PDE3A: variants seen among roughly 807,000 people sequenced by gnomAD.
PDE3A encodes the protein cGMP-inhibited 3',5'-cyclic phosphodiesterase 3A.
In PDE3A, 43 loss-of-function variants were observed where a neutral mutation model predicts 98.3. The observed-to-expected ratio is 0.44, with a 90% CI of 0.34 to 0.56. PDE3A has a LOEUF of 0.56. Among genes scored for constraint, PDE3A ranks in the 20% least tolerant of loss-of-function variants. The pLI, the probability that PDE3A is intolerant of heterozygous loss-of-function variation, is 0.01. For synonymous variants in PDE3A, 663 were observed against 567.9 expected, an observed-to-expected ratio of 1.17 and a Z score of -2.38; for missense variants, 1,427 against 1,440.7, an observed-to-expected ratio of 0.99 and a Z score of 0.15.
Position 20,558,689 on chromosome 12 carries a change from C to T in PDE3A, c.1011+1979C>T, listed in dbSNP as rs553315329. Among the ~76,000 whole-genome samples the T allele has an allele frequency of 6.4e-3, 722 of 113,388 alleles. 10 individuals carry two copies. Among genetic ancestry groups the T allele is most frequent in the African/African-American group, 0.023 (664 of 28,758 alleles). The allele number at this position is 113,388 out of a possible 152,430, so 74.4% of individuals were successfully genotyped here. ...TTATCTGATTTCAATTCCCTGCTGA[C>T]GAAATAATAATAATAATAATAATAA... On this transcript the variant is annotated intron_variant, in intron 2 of 15. Transcript: ENST00000359062.
At position 20,480,194 on chromosome 12, in the gene PDE3A, G is replaced by T. The variant is rs553034863; in HGVS notation, c.961-76466G>T. 2.6e-5 allele frequency among the ~76,000 whole-genome samples: 4 copies of T among 152,266 alleles called. No individual in the cohort carries two copies. The South Asian group carries it at 8.3e-4, about 32-fold the overall frequency. On this transcript the variant is annotated intron_variant, in intron 1 of 15. Coordinates refer to ENST00000359062, the MANE Select transcript of PDE3A (RefSeq NM_000921.5). Reference sequence around the variant, plus strand: ...AGTATTTGATGTATCTTTGAGATGTGTCAGTGGCCAACCAATGAGAGGGAT... The same window carrying T: ...AGTATTTGATGTATCTTTGAGATGTTTCAGTGGCCAACCAATGAGAGGGAT...
At chr12:20,587,717 G>A (rs4257026) in intron 2 of PDE3A, among the ~76,000 whole-genome samples, 149,989 of 152,330 alleles carry the variant, frequency 0.98, 73,879 homozygotes, top group Non-Finnish European at 1. Context: ...TTCTTAAGCC[G>A]ATGGATTCAG....
chr12:20,491,725 T>C (rs897143004), intron 1 of PDE3A, among the ~76,000 whole-genome samples: 12 of 152,170 alleles, frequency 7.9e-5, no homozygotes, highest in Admixed American at 2.0e-4. Flanking sequence ...ATTCATACTT[T>C]ATGGAAAGAC....
At chr12:20,602,700 C>A (rs1158875782) in intron 2 of PDE3A, among the ~76,000 whole-genome samples, 1 of 151,898 alleles carries the variant, frequency 6.6e-6, no homozygotes, top group Non-Finnish European at 1.5e-5. Flanking sequence ...TACATATTAT[C>A]TTAAGGAAAA....
At chr12:20,539,897 T>G (rs1485366973) in intron 1 of PDE3A, among the ~76,000 whole-genome samples, 1 of 2,802 alleles carries the variant, frequency 3.6e-4, no homozygotes, top group Non-Finnish European at 0.016. Flanking sequence ...AAGTAGGTAG[T>G]CTTATTATTC....
At chr12:20,424,975 C>G (rs1267177366) in intron 1 of PDE3A, among the ~76,000 whole-genome samples, 1 of 152,146 alleles carries the variant, frequency 6.6e-6, no homozygotes, top group Non-Finnish European at 1.5e-5. Context: ...ATGAGATGCT[C>G]TTAGTTTTAC....
chr12:20,474,388 C>T (rs1169214220), intron 1 of PDE3A, among the ~76,000 whole-genome samples: 1 of 152,142 alleles, frequency 6.6e-6, no homozygotes, highest in African/African-American at 2.4e-5. Flanking sequence ...AATTTTCACT[C>T]TCTTTAAAGT....
chr12:20,639,353 T>C (rs1944595476), intron 9 of PDE3A, among the ~76,000 whole-genome samples: 1 of 152,162 alleles, frequency 6.6e-6, no homozygotes, highest in South Asian at 2.1e-4. Context: ...TATATTGATA[T>C]ATGATCCTTA....
intron 15 of PDE3A, among the ~76,000 whole-genome samples, chr12:20,678,611 C>T (rs1301342483): frequency 1.3e-5 from 2 of 152,214 alleles, no homozygotes; most frequent in African/African-American, 4.8e-5. Context: ...TCTGCCTCAC[C>T]TGCCTAACAG....
At position 20,646,819 on chromosome 12, in the gene PDE3A, G is replaced by A. The variant is rs138706110; in HGVS notation, c.2434G>A (p.Asp812Asn). Residue 812 changes from aspartate (D) to asparagine (N), a missense_variant, in exon 12 of 16, where the codon GAT (aspartate) becomes AAT (asparagine). By Grantham distance (23) the Asp-to-Asn change is conservative. Coordinates refer to ENST00000359062, the MANE Select transcript of PDE3A (RefSeq NM_000921.5). The part of the protein sequence containing the change: ...VFSKTYNVTD[D>N]KYGCLSGNIP... The stretch of plus-strand genomic sequence containing the variant: ...CTCAAAAACGTATAATGTGACAGAT[G>A]ATAAATACGGATGTCTGTCTGGGAA... 110 of 1,610,962 alleles carry A rather than the reference G, an allele frequency of 6.8e-5. 1 individual carries two copies. The African/African-American group carries it at 1.3e-3, about 19-fold the overall frequency.
In PDE3A at chr12:20,686,137, T is replaced by G. The variant is rs979588304; in HGVS notation, c.*5866T>G. On this transcript the variant is annotated 3_prime_UTR_variant, in exon 16 of 16. Coordinates refer to ENST00000359062, the MANE Select transcript of PDE3A (RefSeq NM_000921.5). Reference sequence around the variant, plus strand: ...ATATAACAGAAAACTAGAAAGAAGGTTTAATTCTTTTTCTAATATTCTACA... The same window carrying G: ...ATATAACAGAAAACTAGAAAGAAGGGTTAATTCTTTTTCTAATATTCTACA... Among the ~76,000 whole-genome samples, 2 of 152,026 alleles carry G rather than the reference T, an allele frequency of 1.3e-5. No homozygotes were observed. Among genetic ancestry groups the G allele is most frequent in the South Asian group, 4.2e-4 (2 of 4,816 alleles).
chr12:20,672,382 A>G (rs933538155), intron 15 of PDE3A, among the ~76,000 whole-genome samples: 6 of 83,304 alleles, frequency 7.2e-5, no homozygotes, highest in Non-Finnish European at 1.3e-4. Flanking sequence ...AAGAGCCCGC[A>G]TCGCCAAGTC....
At chr12:20,408,763 T>C (rs1944280939) in intron 1 of PDE3A, among the ~76,000 whole-genome samples, 1 of 152,206 alleles carries the variant, frequency 6.6e-6, no homozygotes, top group Admixed American at 6.5e-5. Flanking sequence ...TATCTTATGC[T>C]TTTAATTTTA....
At chr12:20,583,212 C>T (rs570371328) in intron 2 of PDE3A, among the ~76,000 whole-genome samples, 56 of 152,236 alleles carry the variant, frequency 3.7e-4, no homozygotes, top group Admixed American at 7.8e-4. Context: ...GTACAGTATA[C>T]ACTGCTCTGG....
intron 1 of PDE3A, among the ~76,000 whole-genome samples, chr12:20,551,068 A>C (rs966719416): frequency 6.6e-6 from 1 of 151,246 alleles, no homozygotes; most frequent in Non-Finnish European, 1.5e-5. Flanking sequence ...ATATATGCTT[A>C]GTTTACTCCC....
chr12:20,502,997 C>T (rs1039792589), intron 1 of PDE3A, among the ~76,000 whole-genome samples: 3 of 151,946 alleles, frequency 2.0e-5, no homozygotes, highest in African/African-American at 7.2e-5. Flanking sequence ...ATGCATATCT[C>T]GTTGGATTAT....
intron 15 of PDE3A, among the ~76,000 whole-genome samples, chr12:20,670,902 AT>A (rs1453079362): frequency 7.5e-6 from 1 of 132,708 alleles, no homozygotes; most frequent in African/African-American, 3.2e-5. Flanking sequence ...AAATTAATGA[AT>A]CCAGGAGCTG....
In PDE3A at chr12:20,637,043, A is replaced by G. The variant is rs116574221; in HGVS notation, c.2002-57A>G. 2.5e-4 allele frequency: 321 copies of G among 1,261,474 alleles called. No homozygotes were observed. The African/African-American group carries it at 4.5e-3, about 18-fold the overall frequency. 78.1% of individuals were successfully genotyped at this position (1,261,474 alleles called of 1,614,324 possible). A position where few individuals can be genotyped will look rare whatever the true frequency, so the allele number is the denominator to read the frequency against. Reference sequence around the variant, plus strand: ...TTGTTATTGAATTTAGCAAAGCACAAATTGCCCTGTAGAAAAACTGCATGC... The same window carrying G: ...TTGTTATTGAATTTAGCAAAGCACAGATTGCCCTGTAGAAAAACTGCATGC... On this transcript the variant is annotated intron_variant, in intron 8 of 15. Transcript: ENST00000359062.
At chr12:20,443,053 A>G (rs1386720400) in intron 1 of PDE3A, among the ~76,000 whole-genome samples, 2 of 150,604 alleles carry the variant, frequency 1.3e-5, no homozygotes, top group Non-Finnish European at 3.0e-5. Flanking sequence ...AAAATTCTAC[A>G]ATGAAATGCT....
Sources: gnomAD v4.1 joint callset for allele counts (sites outside exome capture counted in the v4.1 genomes callset) on GRCh38, gnomAD v4.1.1 for gene constraint, MANE v1.5 for transcripts, NCBI Gene and HGNC (gene_info 2026-07-23, HGNC 2026-07-21) for gene names.